The following INTS9 variants were observed in gnomAD, a reference collection of about 807,000 sequenced individuals.
INTS9 encodes integrator complex subunit 9.
In INTS9, 55 loss-of-function variants were observed where a neutral mutation model predicts 79.7. The observed-to-expected ratio is 0.69, with a 90% CI of 0.56 to 0.86. The LOEUF is 0.86. Ranked by LOEUF, INTS9 falls within the 40% of genes least tolerant of loss-of-function variation. The pLI, the probability that INTS9 is intolerant of heterozygous loss-of-function variation, is 0.00. For synonymous variants in INTS9, 319 were observed against 325.2 expected, an observed-to-expected ratio of 0.98 and a Z score of 0.20; for missense variants, 721 against 831.5, an observed-to-expected ratio of 0.87 and a Z score of 1.64.
At chr8:28,844,237 T>C (rs1807363687) in intron 4 of INTS9, among the ~76,000 whole-genome samples, 1 of 152,240 alleles carries the variant, frequency 6.6e-6, no homozygotes. Context: ...TTGATGTGCA[T>C]AGTTTTGATA....
intron 6 of INTS9, among the ~76,000 whole-genome samples, chr8:28,816,144 C>A (rs1447633561): frequency 6.7e-6 from 1 of 149,282 alleles, no homozygotes; most frequent in Non-Finnish European, 1.5e-5. Context: ...TTTTTTTTTC[C>A]TTTTTTAAAA....
chr8:28,883,662 T>A (rs1016075586), intron 1 of INTS9, among the ~76,000 whole-genome samples: 1 of 152,232 alleles, frequency 6.6e-6, no homozygotes, highest in African/African-American at 2.4e-5. Context: ...AATCAGGACA[T>A]TCAATGTAAT....
In INTS9 at chr8:28,816,172, C is replaced by CT. The variant is rs1193712098; in HGVS notation, c.489-2561dup. On this transcript the variant is annotated intron_variant, in intron 6 of 16. Transcript: ENST00000521022. ...TTTTAAAAATTTTATTATTATTATA[C>CT]TTTAAGTTTTAGGGTACATGTGCAC... Among the ~76,000 whole-genome samples the CT allele has an allele frequency of 2.1e-4, 31 of 149,970 alleles. No homozygotes were observed. In the East Asian group the frequency reaches 5.1e-3, roughly 25 times the overall value.
intron 8 of INTS9, among the ~76,000 whole-genome samples, chr8:28,799,089 G>A (rs1170603022): frequency 2.0e-5 from 3 of 152,150 alleles, no homozygotes; most frequent in Admixed American, 1.3e-4. Flanking sequence ...GAGGTCAGGC[G>A]TTCGAGACCA....
At position 28,813,520 on chromosome 8, in the gene INTS9, A is replaced by G; in HGVS notation, c.581T>C (p.Ile194Thr). ...MQEVNSALSK[I>T]QLVGYSQKIE... The stretch of plus-strand genomic sequence containing the variant: ...TTTCTGAGAATATCCCACCAGCTGG[A>G]TTTTACTAAGGGCAGAGTTCACCTC... Residue 194 changes from isoleucine (I) to threonine (T), a missense_variant, in exon 7 of 17, where the codon ATC becomes ACC. Transcript: ENST00000521022. The G allele has an allele frequency of 1.2e-6, 2 of 1,613,766 alleles. No individual in the cohort carries two copies. The highest frequency in any genetic ancestry group is 1.7e-6 in the Non-Finnish European group (2 of 1,179,770).
chr8:28,884,386 T>C (rs1250687403), intron 1 of INTS9, among the ~76,000 whole-genome samples: 1 of 151,946 alleles, frequency 6.6e-6, no homozygotes, highest in African/African-American at 2.4e-5. Context: ...GGTCTCACTA[T>C]GTTGCCCAGG....
At chr8:28,860,475 CTTTT>C (rs769131992) in intron 1 of INTS9, among the ~76,000 whole-genome samples, 1 of 143,954 alleles carries the variant, frequency 6.9e-6, no homozygotes, top group African/African-American at 2.5e-5. Context: ...CCATTCTCTC[CTTTT>C]TTTTTTTTTT....
intron 2 of INTS9, among the ~76,000 whole-genome samples, chr8:28,854,372 A>G: frequency 6.6e-6 from 1 of 152,154 alleles, no homozygotes; most frequent in Non-Finnish European, 1.5e-5. Flanking sequence ...CCAGAATAAA[A>G]TAAGAGCTCT....
intron 4 of INTS9, among the ~76,000 whole-genome samples, chr8:28,843,249 A>T (rs529619392): frequency 2.6e-5 from 4 of 152,182 alleles, no homozygotes; most frequent in East Asian, 1.9e-4. Flanking sequence ...CAGTCCTGAT[A>T]AAAAAAACCC....
At chr8:28,842,014 G>A (rs1029912452) in intron 4 of INTS9, among the ~76,000 whole-genome samples, 5 of 152,172 alleles carry the variant, frequency 3.3e-5, no homozygotes, top group African/African-American at 1.2e-4. Context: ...CTTCAGCCCA[G>A]GAGGTCGAGG....
At chr8:28,788,600 G>A (rs920468308) in intron 10 of INTS9, among the ~76,000 whole-genome samples, 1 of 152,160 alleles carries the variant, frequency 6.6e-6, no homozygotes, top group Non-Finnish European at 1.5e-5. Context: ...TGTATTTTTA[G>A]TAGAGACGGG....
At chr8:28,822,879 C>T (rs1805923529) in intron 6 of INTS9, among the ~76,000 whole-genome samples, 1 of 152,120 alleles carries the variant, frequency 6.6e-6, no homozygotes, top group African/African-American at 2.4e-5. Context: ...TTCCCACACA[C>T]TCTTTGTGTG....
chr8:28,796,507 T>A, intron 9 of INTS9, 37 bp downstream of exon 9: 1 of 1,113,412 alleles, frequency 9.0e-7, no homozygotes, highest in Non-Finnish European at 1.4e-6. Context: ...AAATGCAAGA[T>A]AGATCATCCA....
intron 1 of INTS9, among the ~76,000 whole-genome samples, chr8:28,887,576 C>G (rs1359137546): frequency 6.6e-6 from 1 of 152,168 alleles, no homozygotes; most frequent in African/African-American, 2.4e-5. Context: ...ATTTAAAACA[C>G]AGCCTATTAC....
rs1166110035 is a variant in INTS9 at position 28,836,944 on chromosome 8, ATTAAT to A, written c.401+688_401+692del. Among the ~76,000 whole-genome samples the A allele has an allele frequency of 4.6e-5, 7 of 152,320 alleles. 1 individual carries two copies. In the East Asian group the frequency reaches 9.6e-4, roughly 21 times the overall value. Reference sequence around the variant, plus strand: ...GACAGTTTCAACTTATACCGTACTTATTAATTTATTTCAAAAAAAATAAATTGACA... The same window carrying A: ...GACAGTTTCAACTTATACCGTACTTATTATTTCAAAAAAAATAAATTGACA... On this transcript the variant is annotated intron_variant, in intron 5 of 16. Transcript: ENST00000521022.
At chr8:28,872,593 A>G (rs1000065775) in intron 1 of INTS9, among the ~76,000 whole-genome samples, 6 of 152,032 alleles carry the variant, frequency 3.9e-5, no homozygotes, top group African/African-American at 1.4e-4. Context: ...AAAGTGTCAA[A>G]GGGAGAGGAC....
intron 8 of INTS9, among the ~76,000 whole-genome samples, chr8:28,811,717 A>C (rs1189523400): frequency 6.6e-6 from 1 of 152,162 alleles, no homozygotes. Flanking sequence ...CACCGCGCCC[A>C]GCCGACATGG....
intron 2 of INTS9, among the ~76,000 whole-genome samples, chr8:28,855,278 G>A (rs904402084): frequency 6.6e-6 from 1 of 152,258 alleles, no homozygotes; most frequent in African/African-American, 2.4e-5. Context: ...AGAGTATACA[G>A]AAGGTACTGG....
chr8:28,778,016 A>G, intron 12 of INTS9, 63 bp from the exon 13 acceptor site: 4 of 1,506,002 alleles, frequency 2.7e-6, no homozygotes, highest in Non-Finnish European at 3.6e-6. Flanking sequence ...CAAGCCAGAC[A>G]GCAACTGGGG....
Sources: gnomAD v4.1 joint callset for allele counts (sites outside exome capture counted in the v4.1 genomes callset) on GRCh38, gnomAD v4.1.1 for gene constraint, MANE v1.5 for transcripts, NCBI Gene and HGNC (gene_info 2026-07-23, HGNC 2026-07-21) for gene names.